Variants in RAMP1 observed in about 807,000 individuals in gnomAD.
RAMP1 encodes the protein receptor activity modifying protein 1.
A neutral mutation model predicts 8.2 loss-of-function variants in RAMP1; 7 were observed. The ratio of observed to expected loss-of-function variants is 0.85; its 90% confidence interval spans 0.49 to 1.60. The LOEUF is 1.60. RAMP1 is among the 40% of genes most tolerant of loss of function. RAMP1 has a pLI of 0.00. For synonymous variants in RAMP1, 92 were observed against 84.7 expected (o/e 1.09, Z -0.47); for missense variants, 192 against 202.4 (o/e 0.95, Z 0.31).
Position 237,891,244 on chromosome 2 carries a change from G to A in RAMP1, c.191+13882G>A, listed in dbSNP as rs376151913. 4.9e-3 allele frequency among the ~76,000 whole-genome samples: 746 copies of A among 151,646 alleles called. 6 individuals carry two copies. The highest frequency in any genetic ancestry group is 0.017 in the African/African-American group (712 of 41,364). ...CGGCTCACTGCAAGCTCCGCCTCCC[G>A]GGTTCACGCCATTCTTCTGCCTCAG... On this transcript the variant is annotated intron_variant, in intron 2 of 2. Coordinates refer to ENST00000254661, the MANE Select transcript of RAMP1 (RefSeq NM_005855.4).
intron 2 of RAMP1, among the ~76,000 whole-genome samples, chr2:237,907,914 G>A (rs1025942849): frequency 1.1e-4 from 16 of 152,262 alleles, no homozygotes; most frequent in South Asian, 6.2e-4. Context: ...AGGTGACTAC[G>A]GTCAATAGTA....
At chr2:237,888,173 C>T (rs2062453694) in intron 2 of RAMP1, among the ~76,000 whole-genome samples, 1 of 152,034 alleles carries the variant, frequency 6.6e-6, no homozygotes, top group Non-Finnish European at 1.5e-5. Flanking sequence ...CCTGCCTCAG[C>T]CTCCCGAGTA....
In RAMP1 at chr2:237,877,259, G is replaced by GCTAA; in HGVS notation, c.92_95dup (p.Tyr32Ter). On this transcript the variant is annotated frameshift_variant, in exon 2 of 3. Transcript: ENST00000254661. LOFTEE classifies it high-confidence loss of function. The surrounding 1 kb of genome is among the most constrained non-coding windows in gnomAD (Gnocchi z 4.4). Reference sequence around the variant, plus strand: ...CTTCATGACCACTGCCTGCCAGGAGGCTAACTACGGTGCCCTCCTCCGGGA... The same window carrying GCTAA: ...CTTCATGACCACTGCCTGCCAGGAGGCTAACTAACTACGGTGCCCTCCTCCGGGA... 6.2e-7 allele frequency: 1 copy of GCTAA among 1,614,032 alleles called. No homozygotes were observed. The highest frequency in any genetic ancestry group is 1.1e-5 in the South Asian group (1 of 91,084).
chr2:237,883,912 CTTTTTTTTT>C (rs34291315), intron 2 of RAMP1, among the ~76,000 whole-genome samples: 1 of 93,008 alleles, frequency 1.1e-5, no homozygotes, highest in African/African-American at 5.3e-5. Context: ...TGTAGGTCCA[CTTTTTTTTT>C]TTTTTTTTTT....
chr2:237,864,459 T>C (rs1350794424), intron 1 of RAMP1, among the ~76,000 whole-genome samples: 1 of 152,180 alleles, frequency 6.6e-6, no homozygotes, highest in Admixed American at 6.5e-5. Flanking sequence ...TTTTCTTGCC[T>C]CTGGAGGAGA....
intron 2 of RAMP1, among the ~76,000 whole-genome samples, chr2:237,910,151 G>A (rs1018049258): frequency 6.6e-6 from 1 of 151,988 alleles, no homozygotes; most frequent in Non-Finnish European, 1.5e-5. Flanking sequence ...CACACACACA[G>A]AATAACACAG....
rs114952251 is a variant in RAMP1, at chr2:237,862,402, C to A, written c.52+2675C>A. On this transcript the variant is annotated intron_variant, in intron 1 of 2. Transcript: ENST00000254661. The surrounding 1 kb of genome is among the most constrained non-coding windows in gnomAD (Gnocchi z 4.0). ...CCTTCCACAGGCGCATGCCTGTCAGCGTGCTTATTACCAGTCCGAGGCCAG... is the reference window on the plus strand; with the variant it reads ...CCTTCCACAGGCGCATGCCTGTCAGAGTGCTTATTACCAGTCCGAGGCCAG... Among the ~76,000 whole-genome samples the A allele has an allele frequency of 6.6e-6, 1 of 152,266 alleles. No homozygotes were observed. Among genetic ancestry groups the A allele is most frequent in the East Asian group, 1.9e-4 (1 of 5,182 alleles).
chr2:237,904,464 C>T (rs1369745621), intron 2 of RAMP1, among the ~76,000 whole-genome samples: 1 of 151,910 alleles, frequency 6.6e-6, no homozygotes, highest in Non-Finnish European at 1.5e-5. Flanking sequence ...GAAAGTTAGC[C>T]AGGTGTGGTG....
chr2:237,859,807 T>A, intron 1 of RAMP1, 80 bp downstream of exon 1: 1 of 489,778 alleles, frequency 2.0e-6, no homozygotes, highest in Non-Finnish European at 3.0e-6. Flanking sequence ...GGGGAGCGGG[T>A]GGGAGCGGGT....
intron 2 of RAMP1, among the ~76,000 whole-genome samples, chr2:237,899,371 G>A (rs1470041501): frequency 6.6e-6 from 1 of 152,158 alleles, no homozygotes; most frequent in Non-Finnish European, 1.5e-5. Flanking sequence ...GCACCTGGCC[G>A]AGAGAGAGAT....
intron 1 of RAMP1, among the ~76,000 whole-genome samples, chr2:237,870,302 G>A (rs960828900): frequency 5.3e-5 from 8 of 152,184 alleles, no homozygotes; most frequent in African/African-American, 1.9e-4. Context: ...TTCCCGTCCT[G>A]TGCAACTCTG....
rs1209347455 is a variant in RAMP1 at position 237,865,195 on chromosome 2, C to T, written c.52+5468C>T. On this transcript the variant is annotated intron_variant, in intron 1 of 2. Coordinates refer to ENST00000254661, the MANE Select transcript of RAMP1 (RefSeq NM_005855.4). The surrounding 1 kb of genome is among the most constrained non-coding windows in gnomAD (Gnocchi z 4.2). Reference sequence around the variant, plus strand: ...GGCCTGGATGCAGGAAGTGAGGCAGCGCTGAGGAATGAAGAACAGCACCTG... The same window carrying T: ...GGCCTGGATGCAGGAAGTGAGGCAGTGCTGAGGAATGAAGAACAGCACCTG... Among the ~76,000 whole-genome samples, 1 of 150,316 alleles carries T rather than the reference C, an allele frequency of 6.7e-6. No homozygotes were observed. The highest frequency in any genetic ancestry group is 1.5e-5 in the Non-Finnish European group (1 of 67,680).
At chr2:237,869,240 C>T (rs2062219529) in intron 1 of RAMP1, among the ~76,000 whole-genome samples, 1 of 152,236 alleles carries the variant, frequency 6.6e-6, no homozygotes, top group Non-Finnish European at 1.5e-5. Context: ...CTTCTTATAG[C>T]TCTGTCCCAG....
intron 1 of RAMP1, among the ~76,000 whole-genome samples, chr2:237,860,911 G>A (rs1012806652): frequency 6.8e-6 from 1 of 146,342 alleles, no homozygotes; most frequent in Non-Finnish European, 1.5e-5. Flanking sequence ...ATCCTCAGAG[G>A]CCGATATAAT....
intron 2 of RAMP1, among the ~76,000 whole-genome samples, chr2:237,880,513 C>T (rs960936439): frequency 1.3e-5 from 2 of 152,132 alleles, no homozygotes; most frequent in African/African-American, 2.4e-5. Flanking sequence ...TGTGGGTGTA[C>T]ACACATCCCA....
At chr2:237,872,673 G>C (rs1229591063) in intron 1 of RAMP1, among the ~76,000 whole-genome samples, 1 of 152,194 alleles carries the variant, frequency 6.6e-6, no homozygotes, top group Non-Finnish European at 1.5e-5. Flanking sequence ...CTCTAGGCAG[G>C]CTACTTAACC....
intron 2 of RAMP1, among the ~76,000 whole-genome samples, chr2:237,910,069 G>T (rs565802581): frequency 1.3e-5 from 2 of 152,146 alleles, no homozygotes; most frequent in African/African-American, 2.4e-5. Flanking sequence ...GTGGGTAAAG[G>T]CACCTGCAGC....
At chr2:237,872,554 G>C (rs767397614) in intron 1 of RAMP1, among the ~76,000 whole-genome samples, 8 of 152,210 alleles carry the variant, frequency 5.3e-5, no homozygotes, top group Non-Finnish European at 1.2e-4. Context: ...CTTTGGGGCA[G>C]GTGTTGGGGT....
chr2:237,906,717 C>CTTTTT (rs71402734), intron 2 of RAMP1, among the ~76,000 whole-genome samples: 2 of 86,220 alleles, frequency 2.3e-5, no homozygotes, highest in South Asian at 4.9e-4. Context: ...ATATCAACCT[C>CTTTTT]TTTTTTTTTT....
Sources: allele counts gnomAD v4.1 joint callset (sites outside exome capture counted in the v4.1 genomes callset), GRCh38; gene constraint gnomAD v4.1.1; non-coding constraint Gnocchi (gnomAD v3.1); transcripts MANE v1.5; gene names NCBI Gene and HGNC (gene_info 2026-07-23, HGNC 2026-07-21).